Variants in AOPEP observed in about 807,000 individuals in gnomAD.
AOPEP encodes the protein aminopeptidase O.
Under a neutral mutation model 98.1 loss-of-function variants are expected in AOPEP, and 77 were observed. That is an observed-to-expected ratio of 0.78 (90% CI 0.65 to 0.95). AOPEP has a LOEUF of 0.95. Among genes scored for constraint, AOPEP ranks in the 40% least tolerant of loss-of-function variants. The pLI is 0.00. For synonymous variants in AOPEP, 346 were observed against 365.3 expected, an observed-to-expected ratio of 0.95 and a Z score of 0.60; for missense variants, 1,024 against 1,024.7, an observed-to-expected ratio of 1.00 and a Z score of 0.01.
chr9:94,945,578 C>G (rs1390540010), intron 7 of AOPEP, among the ~76,000 whole-genome samples: 2 of 152,140 alleles, frequency 1.3e-5, no homozygotes, highest in African/African-American at 2.4e-5. Context: ...GGCAAGCCCT[C>G]CACCCCTGCC....
chr9:94,956,109 AG>A, intron 9 of AOPEP, 94 bp downstream of exon 9: 1 of 736,750 alleles, frequency 1.4e-6, no homozygotes, highest in Non-Finnish European at 2.3e-6. Context: ...AGTAGGGAAA[AG>A]GTTTCCCATT....
At chr9:94,793,590 T>C (rs1359405722) in intron 4 of AOPEP, among the ~76,000 whole-genome samples, 1 of 151,528 alleles carries the variant, frequency 6.6e-6, no homozygotes, top group Non-Finnish European at 1.5e-5. Flanking sequence ...GGCAGGAGAA[T>C]TGCTTGAACC....
At chr9:95,122,496 T>C in the AOPEP span, among the ~76,000 whole-genome samples, 1 of 152,220 alleles carries the variant, frequency 6.6e-6, no homozygotes, top group South Asian at 2.1e-4. Context: ...TTTCCTTTCC[T>C]TTGTTGAGCT....
downstream of AOPEP, among the ~76,000 whole-genome samples, chr9:95,091,872 C>T (rs2070871758): frequency 6.6e-6 from 1 of 152,176 alleles, no homozygotes; most frequent in South Asian, 2.1e-4. Context: ...CATGTGCGCA[C>T]CCCACCCCAG....
the AOPEP span, among the ~76,000 whole-genome samples, chr9:95,122,195 G>A: frequency 6.6e-6 from 1 of 152,118 alleles, no homozygotes; most frequent in South Asian, 2.1e-4. Flanking sequence ...GAGGGAGAGA[G>A]GCAGGGAGGA....
chr9:95,012,987 T>TTGG (rs763512878), intron 13 of AOPEP, among the ~76,000 whole-genome samples: 8 of 62,686 alleles, frequency 1.3e-4, no homozygotes, highest in Admixed American at 2.4e-4. Flanking sequence ...GTTTTTTTTT[T>TTGG]GGGGGGGGGG....
chr9:94,755,463 T>G (rs1306620928), intron 1 of AOPEP, among the ~76,000 whole-genome samples: 2 of 152,192 alleles, frequency 1.3e-5, no homozygotes, highest in African/African-American at 2.4e-5. Context: ...CTAAGACAAG[T>G]AAGACATAGA....
chr9:95,062,396 A>G (rs1043695524), intron 14 of AOPEP, among the ~76,000 whole-genome samples: 1 of 152,194 alleles, frequency 6.6e-6, no homozygotes, highest in Non-Finnish European at 1.5e-5. Context: ...CTGCCTTTCC[A>G]GAAGGGTAAG....
chr9:95,107,160 C>T, the AOPEP span: 2 of 1,614,182 alleles, frequency 1.2e-6, no homozygotes, highest in Non-Finnish European at 1.7e-6. Flanking sequence ...TGCAGGAGCT[C>T]TGAGGTCTGT....
chr9:94,800,673 A>C, intron 4 of AOPEP, 84 bp from the exon 5 acceptor site: 1 of 1,465,906 alleles, frequency 6.8e-7, no homozygotes, highest in Non-Finnish European at 9.4e-7. Context: ...TGTCTCCTAA[A>C]AGTTGTCTAC....
At chr9:95,126,789 G>A in the AOPEP span, 5 of 578,930 alleles carry the variant, frequency 8.6e-6, no homozygotes, top group Non-Finnish European at 1.6e-5. Context: ...GTTACAGGCA[G>A]CTTATTCCTC....
At chr9:94,899,560 G>C (rs1436896369) in intron 5 of AOPEP, among the ~76,000 whole-genome samples, 2 of 151,524 alleles carry the variant, frequency 1.3e-5, no homozygotes, top group Non-Finnish European at 2.9e-5. Context: ...GACCAGCCTG[G>C]GCAACAAAAT....
intron 3 of AOPEP, among the ~76,000 whole-genome samples, chr9:94,781,639 C>T (rs1843271040): frequency 6.6e-6 from 1 of 151,134 alleles, no homozygotes; most frequent in South Asian, 2.1e-4. Context: ...CCGCTCACTG[C>T]AAGCTCTGCC....
chr9:94,740,748 A>C (rs548187245), intron 1 of AOPEP, among the ~76,000 whole-genome samples: 7 of 152,340 alleles, frequency 4.6e-5, no homozygotes, highest in Non-Finnish European at 8.8e-5. Context: ...AGTGGTTCAG[A>C]GGCTGCTGGG....
chr9:94,932,295 A>T lies in AOPEP; in HGVS notation c.1661+3764A>T, dbSNP rs189293043. On this transcript the variant is annotated intron_variant, in intron 7 of 16. Transcript: ENST00000375315. ...TTAAAAGACATTGAGAAAAAGGAAC[A>T]TTCAACATTCTCTTGGTTATAGATA... 14 of 983,864 alleles carry T rather than the reference A, an allele frequency of 1.4e-5. No homozygotes were observed. In the Admixed American group the frequency reaches 6.1e-4, roughly 43 times the overall value. The allele number at this position is 983,864 out of a possible 1,614,324, so 60.9% of individuals were successfully genotyped here. A position where few individuals can be genotyped will look rare whatever the true frequency, so the allele number is the denominator to read the frequency against.
chr9:94,763,096 G>C (rs1301980964), intron 2 of AOPEP: 1 of 456,536 alleles, frequency 2.2e-6, no homozygotes, highest in South Asian at 1.6e-5. Flanking sequence ...TCTCAGGCTG[G>C]GATGAGAAGC....
At chr9:95,077,325 A>G (rs1189024607) in intron 14 of AOPEP, among the ~76,000 whole-genome samples, 3 of 152,144 alleles carry the variant, frequency 2.0e-5, no homozygotes, top group African/African-American at 7.2e-5. Context: ...TGTGGCTTTC[A>G]CCTCTGAAAA....
chr9:95,074,060 C>T (rs73654505), intron 14 of AOPEP, among the ~76,000 whole-genome samples: 2,282 of 152,272 alleles, frequency 0.015, 58 homozygotes, highest in African/African-American at 0.052. Context: ...GCCTGTCATG[C>T]AGTTGGCTGC....
rs184621608 is a variant in AOPEP at position 94,859,589 on chromosome 9, G to A, written c.1364+58587G>A. 2.6e-3 allele frequency among the ~76,000 whole-genome samples: 402 copies of A among 152,216 alleles called. 6 individuals are homozygous for A. The highest frequency in any genetic ancestry group is 0.024 in the Admixed American group (364 of 15,298). On this transcript the variant is annotated intron_variant, in intron 5 of 16. Transcript: ENST00000375315. ...AGGAATTAGGATATGAATATCTTTTGGGGAGCTGTTTTTCAGCCTTTCACA... is the reference window on the plus strand; with the variant it reads ...AGGAATTAGGATATGAATATCTTTTAGGGAGCTGTTTTTCAGCCTTTCACA...
Sources: gnomAD v4.1 joint callset for allele counts (sites outside exome capture counted in the v4.1 genomes callset) on GRCh38, gnomAD v4.1.1 for gene constraint, MANE v1.5 for transcripts, NCBI Gene and HGNC (gene_info 2026-07-23, HGNC 2026-07-21) for gene names.